Variants in CEMIP observed in about 807,000 individuals in gnomAD.
CEMIP encodes the protein cell migration inducing hyaluronidase 1.
In CEMIP, 105 loss-of-function variants were observed where a neutral mutation model predicts 156.9. The ratio of observed to expected loss-of-function variants is 0.67; its 90% confidence interval spans 0.57 to 0.79. CEMIP has a LOEUF of 0.79. Among genes scored for constraint, CEMIP ranks in the 30% least tolerant of loss-of-function variants. CEMIP has a pLI of 0.00. For missense variants in CEMIP, 1,457 were observed against 1,769.4 expected (o/e 0.82, Z 3.17); for synonymous variants, 676 against 668.4 (o/e 1.01, Z -0.17).
At chr15:80,876,999 T>C (rs570167003) in intron 3 of CEMIP, among the ~76,000 whole-genome samples, 2 of 152,212 alleles carry the variant, frequency 1.3e-5, no homozygotes, top group South Asian at 4.1e-4. Context: ...CTCACAATCA[T>C]GGTAGAAGGT....
intron 3 of CEMIP, among the ~76,000 whole-genome samples, chr15:80,875,696 C>G (rs1331165136): frequency 1.3e-5 from 2 of 152,216 alleles, no homozygotes; most frequent in African/African-American, 4.8e-5. Flanking sequence ...CGGGCTTGCA[C>G]TCCCTCTCAA....
At chr15:80,817,668 G>A (rs2141644383) in intron 1 of CEMIP, among the ~76,000 whole-genome samples, 1 of 151,176 alleles carries the variant, frequency 6.6e-6, no homozygotes, top group African/African-American at 2.4e-5. Context: ...AGAGGATTAT[G>A]GGAACATTTG....
chr15:80,936,704 C>T lies in CEMIP; in HGVS notation c.3040C>T (p.Leu1014=), dbSNP rs1275653521. The change falls in exon 24 of 30, where the codon CTG becomes TTG. Residue 1014 remains leucine, a synonymous_variant. Coordinates refer to ENST00000394685, the MANE Select transcript of CEMIP (RefSeq NM_001293298.2). ...MYIQAYKTSN[L]RMKIIKNDFP... is the part of the protein sequence containing the mutation. Reference sequence around the variant, plus strand: ...CATTCAAGCCTACAAGACCAGTAACCTGCGAATGAAGATCATCAAGAATGA... The same window carrying T: ...CATTCAAGCCTACAAGACCAGTAACTTGCGAATGAAGATCATCAAGAATGA... 1 of 1,614,162 alleles carries T rather than the reference C, an allele frequency of 6.2e-7. No individual in the cohort carries two copies. Among genetic ancestry groups the T allele is most frequent in the Non-Finnish European group, 8.5e-7 (1 of 1,180,036 alleles).
At chr15:80,925,465 A>G (rs557949942) in intron 18 of CEMIP, among the ~76,000 whole-genome samples, 159 bp from the exon 19 acceptor site, 3 of 152,284 alleles carry the variant, frequency 2.0e-5, no homozygotes, top group Admixed American at 2.0e-4. Flanking sequence ...TGAACTCAGA[A>G]AGTTCATTCA....
chr15:80,933,495 T>C (rs568171150), intron 23 of CEMIP, 35 bp downstream of exon 23: 7 of 1,533,244 alleles, frequency 4.6e-6, no homozygotes, highest in Admixed American at 1.7e-5. Context: ...GCCACTCACT[T>C]ATTCACTCAT....
rs368277774 is a variant in CEMIP, at chr15:80,896,036, G to T, written c.1387G>T (p.Ala463Ser). Residue 463 changes from alanine (A) to serine (S), a missense_variant, in exon 12 of 30, where the codon GCC becomes TCC. Around this residue, in one of 5 missense-constraint regions of CEMIP, gnomAD observed 280 missense variants for 300.3 expected, o/e 0.93. Coordinates refer to ENST00000394685, the MANE Select transcript of CEMIP (RefSeq NM_001293298.2). Reference sequence around the variant, plus strand: ...CCAGGTGCTTCCCTGCAGATCCTGCGCCCCCAACCAGGTCAAAGTGGCAGG... The same window carrying T: ...CCAGGTGCTTCCCTGCAGATCCTGCTCCCCCAACCAGGTCAAAGTGGCAGG... ...EFQVLPCRSC[A>S]PNQVKVAGKP... 11 of 1,614,032 alleles carry T rather than the reference G, an allele frequency of 6.8e-6. No homozygotes were observed. The highest frequency in any genetic ancestry group is 8.5e-6 in the Non-Finnish European group (10 of 1,180,006).
chr15:80,882,163 C>A (rs936213110), intron 6 of CEMIP, among the ~76,000 whole-genome samples: 1 of 152,198 alleles, frequency 6.6e-6, no homozygotes, highest in Non-Finnish European at 1.5e-5. Flanking sequence ...TGGGCAGGAG[C>A]TGAAGTGCTT....
chr15:80,843,853 G>A (rs1897487171), intron 1 of CEMIP, among the ~76,000 whole-genome samples: 1 of 152,190 alleles, frequency 6.6e-6, no homozygotes, highest in Non-Finnish European at 1.5e-5. Context: ...TCACTCCAGA[G>A]AATAGCTAGG....
chr15:80,924,257 A>G (rs1900574630), intron 17 of CEMIP, among the ~76,000 whole-genome samples: 1 of 152,224 alleles, frequency 6.6e-6, no homozygotes, highest in Admixed American at 6.5e-5. Context: ...CAGCAGATAA[A>G]TTTCCTAAGA....
At chr15:80,831,322 G>C (rs954263204) in intron 1 of CEMIP, among the ~76,000 whole-genome samples, 1 of 152,148 alleles carries the variant, frequency 6.6e-6, no homozygotes, top group Non-Finnish European at 1.5e-5. Flanking sequence ...TGGGGGATTG[G>C]GGGAGGATAG....
At chr15:80,894,852 T>C (rs900606441) in intron 10 of CEMIP, 138 bp from the exon 11 acceptor site, 1 of 1,034,166 alleles carries the variant, frequency 9.7e-7, no homozygotes, top group Non-Finnish European at 1.5e-6. Context: ...ATTGGGATAA[T>C]CATCTCGGGC....
At chr15:80,888,043 T>G (rs1436704568) in intron 8 of CEMIP, among the ~76,000 whole-genome samples, 1 of 152,196 alleles carries the variant, frequency 6.6e-6, no homozygotes, top group African/African-American at 2.4e-5. Context: ...AGAACTGAGA[T>G]AGAGCCAGCA....
At chr15:80,820,606 T>C (rs1194322991) in intron 1 of CEMIP, among the ~76,000 whole-genome samples, 2 of 152,212 alleles carry the variant, frequency 1.3e-5, no homozygotes, top group Admixed American at 1.3e-4. Flanking sequence ...CCCTCAACTT[T>C]CTGATTCTCA....
intron 19 of CEMIP, among the ~76,000 whole-genome samples, chr15:80,926,101 AG>A (rs1362990491): frequency 6.6e-6 from 1 of 152,242 alleles, no homozygotes; most frequent in Admixed American, 6.5e-5. Context: ...ACTATGTGAA[AG>A]CCTTGGTTGC....
At chr15:80,866,501 G>C (rs1898129432) in intron 1 of CEMIP, among the ~76,000 whole-genome samples, 1 of 151,964 alleles carries the variant, frequency 6.6e-6, no homozygotes, top group African/African-American at 2.4e-5. Flanking sequence ...CTGAGGCAGA[G>C]AATTGCTTGA....
intron 14 of CEMIP, among the ~76,000 whole-genome samples, chr15:80,918,957 G>A (rs867882221): frequency 2.2e-4 from 33 of 152,086 alleles, no homozygotes; most frequent in Admixed American, 5.9e-4. Flanking sequence ...TCATTTTTGC[G>A]GTGGAAAAAA....
chr15:80,800,641 T>G (rs906907911), intron 1 of CEMIP, among the ~76,000 whole-genome samples: 1 of 152,108 alleles, frequency 6.6e-6, no homozygotes, highest in Non-Finnish European at 1.5e-5. Flanking sequence ...TCTTAGGGAG[T>G]CTTTACAAAC....
intron 1 of CEMIP, among the ~76,000 whole-genome samples, chr15:80,860,750 G>T (rs925472350): frequency 1.3e-5 from 2 of 152,076 alleles, no homozygotes; most frequent in Non-Finnish European, 2.9e-5. Context: ...GGCCACCTGG[G>T]TGTTCACGTC....
At chr15:80,817,398 C>A (rs546274147) in intron 1 of CEMIP, among the ~76,000 whole-genome samples, 1 of 151,868 alleles carries the variant, frequency 6.6e-6, no homozygotes, top group East Asian at 1.9e-4. Context: ...AGTTCAAGAC[C>A]AGTCTGAGCA....
Sources: allele counts gnomAD v4.1 joint callset (sites outside exome capture counted in the v4.1 genomes callset), GRCh38; gene constraint gnomAD v4.1.1; regional missense constraint gnomAD v4.1.1; transcripts MANE v1.5; gene names NCBI Gene and HGNC (gene_info 2026-07-23, HGNC 2026-07-21).